SLC13A3: variants seen among roughly 807,000 people sequenced by gnomAD.
SLC13A3 encodes solute carrier family 13 member 3.
A neutral mutation model predicts 59.0 loss-of-function variants in SLC13A3; 40 were observed. The observed-to-expected ratio is 0.68, with a 90% CI of 0.53 to 0.88. The LOEUF is 0.88. SLC13A3 is among the 40% of genes least tolerant of loss of function. The probability of loss-of-function intolerance (pLI) is 0.00; values close to 1 mark genes in which losing one functional copy is unlikely to be tolerated. For synonymous variants in SLC13A3, 317 were observed against 330.3 expected, an observed-to-expected ratio of 0.96 and a Z score of 0.44; for missense variants, 699 against 783.2, an observed-to-expected ratio of 0.89 and a Z score of 1.28.
At chr20:46,674,604 C>CGCGCGCGCGTGTGT (rs370861850), upstream of SLC13A3, among the ~76,000 whole-genome samples, 41 of 127,870 alleles carry the variant, frequency 3.2e-4, no homozygotes, top group African/African-American at 1.2e-3. Context: ...CGCGCGCGCG[C>CGCGCGCGCGTGTGT]GTGTGTGTGT....
chr20:46,562,654 A>G (rs562060449), intron 12 of SLC13A3, among the ~76,000 whole-genome samples: 7 of 152,004 alleles, frequency 4.6e-5, no homozygotes, highest in Non-Finnish European at 5.9e-5. Flanking sequence ...TGTCTCTCCC[A>G]CTCTGCAGTG....
Position 46,563,451 on chromosome 20 carries a change from A to C in SLC13A3, c.1595T>G (p.Ile532Ser). 6.2e-7 allele frequency: 1 copy of C among 1,614,094 alleles called. No homozygotes were observed. Among genetic ancestry groups the C allele is most frequent in the South Asian group, 1.1e-5 (1 of 91,070 alleles). Residue 532 changes from isoleucine to serine, a missense_variant, in exon 12 of 13, where the codon ATC becomes AGC. Transcript: ENST00000279027. ...MLPVSTPPNS[I>S]AFASGHLLVK... is the part of the protein sequence containing the mutation. ...CAGCAAGTGTCCAGAGGCGAAGGCG[A>C]TGGAGTTGGGGGGCGTTGAGACCGG...
chr20:46,620,663 T>C (rs1425116804), intron 1 of SLC13A3, among the ~76,000 whole-genome samples: 1 of 152,172 alleles, frequency 6.6e-6, no homozygotes, highest in Non-Finnish European at 1.5e-5. Flanking sequence ...AGCATCCACA[T>C]GGATCTGCAA....
At chr20:46,564,058 C>T (rs748566292) in intron 11 of SLC13A3, among the ~76,000 whole-genome samples, 9 of 152,210 alleles carry the variant, frequency 5.9e-5, no homozygotes, top group Non-Finnish European at 8.8e-5. Context: ...CGTGTTCCCC[C>T]GGTGCTGCTG....
chr20:46,606,227 C>T (rs1031146068), intron 3 of SLC13A3, among the ~76,000 whole-genome samples: 1 of 152,214 alleles, frequency 6.6e-6, no homozygotes, highest in African/African-American at 2.4e-5. Flanking sequence ...CAAGGTGGAA[C>T]GAGGTAGGAG....
At chr20:46,641,642 G>C (rs2062846729) in intron 1 of SLC13A3, among the ~76,000 whole-genome samples, 1 of 152,166 alleles carries the variant, frequency 6.6e-6, no homozygotes, top group African/African-American at 2.4e-5. Context: ...GCAGGAGCAA[G>C]CTTGGCAGCT....
intron 1 of SLC13A3, 135 bp downstream of exon 1, chr20:46,651,176 G>A: frequency 1.5e-6 from 2 of 1,338,236 alleles, no homozygotes; most frequent in Non-Finnish European, 9.6e-7. Context: ...CGCGGCAGGT[G>A]CAAGGGAGGG....
chr20:46,594,413 C>A (rs1322530191), intron 5 of SLC13A3, among the ~76,000 whole-genome samples: 1 of 152,086 alleles, frequency 6.6e-6, no homozygotes. Flanking sequence ...AACAACTGCT[C>A]CCCTCCAATT....
intron 12 of SLC13A3, among the ~76,000 whole-genome samples, chr20:46,561,273 C>G (rs975892640): frequency 6.6e-6 from 1 of 152,178 alleles, no homozygotes; most frequent in Non-Finnish European, 1.5e-5. Context: ...CTCATGCCTC[C>G]CTAAAATGTA....
At chr20:46,584,491 A>G (rs1271875485) in intron 8 of SLC13A3, 1 of 985,416 alleles carries the variant, frequency 1.0e-6, no homozygotes, top group African/African-American at 1.7e-5. Context: ...ACTGCTAACC[A>G]AAGCTCTTTC....
At chr20:46,674,588 T>TGCGCGCGCGC (rs549666867), upstream of SLC13A3, among the ~76,000 whole-genome samples, 95 of 136,790 alleles carry the variant, frequency 6.9e-4, 2 homozygotes, top group African/African-American at 2.2e-3. Context: ...AGGTGGGGAG[T>TGCGCGCGCGC]GCGCGCGCGC....
At chr20:46,631,772 G>A (rs2062740266) in intron 1 of SLC13A3, among the ~76,000 whole-genome samples, 1 of 152,146 alleles carries the variant, frequency 6.6e-6, no homozygotes, top group South Asian at 2.1e-4. Flanking sequence ...AAAACGCGCA[G>A]GGGTGAGAGA....
rs1022388270 is a variant in SLC13A3 at position 46,628,697 on chromosome 20, T to C, written c.112-14972A>G. On this transcript the variant is annotated intron_variant, in intron 1 of 12. Coordinates refer to ENST00000279027, the MANE Select transcript of SLC13A3 (RefSeq NM_022829.6). ...GTGGAGCCCTGGGTCACATGTGGAA[T>C]TTAAGTTCAAGTTCATTAACATCAA... Among the ~76,000 whole-genome samples, 6 of 152,234 alleles carry C rather than the reference T, an allele frequency of 3.9e-5. 1 individual carries two copies. Among genetic ancestry groups the C allele is most frequent in the Non-Finnish European group, 4.4e-5 (3 of 68,042 alleles).
chr20:46,572,925 G>A (rs1395253280), intron 10 of SLC13A3, among the ~76,000 whole-genome samples: 1 of 152,010 alleles, frequency 6.6e-6, no homozygotes, highest in Non-Finnish European at 1.5e-5. Flanking sequence ...CTTCCTTCAG[G>A]AAGCCTTCCC....
chr20:46,659,810 C>A (rs1025379791), intron 1 of SLC13A3, among the ~76,000 whole-genome samples: 1 of 151,366 alleles, frequency 6.6e-6, no homozygotes, highest in Non-Finnish European at 1.5e-5. Flanking sequence ...TCTTCTCTTC[C>A]TTTGTACTTT....
chr20:46,629,661 CTCTG>C (rs1913170863), intron 1 of SLC13A3, among the ~76,000 whole-genome samples: 1 of 152,094 alleles, frequency 6.6e-6, no homozygotes, highest in Admixed American at 6.6e-5. Context: ...CCCCATTTTG[CTCTG>C]TCTGATACAG....
At chr20:46,607,338 C>G (rs1027436351) in intron 3 of SLC13A3, among the ~76,000 whole-genome samples, 1 of 152,144 alleles carries the variant, frequency 6.6e-6, no homozygotes, top group African/African-American at 2.4e-5. Flanking sequence ...TAGGAACTTC[C>G]TTGTGCCTCT....
chr20:46,653,812 A>G (rs1483426108), upstream of SLC13A3, among the ~76,000 whole-genome samples: 1 of 152,100 alleles, frequency 6.6e-6, no homozygotes, highest in Non-Finnish European at 1.5e-5. Flanking sequence ...CATTGTATGG[A>G]TATACTATAT....
At chr20:46,636,428 G>A (rs1408525157) in intron 1 of SLC13A3, among the ~76,000 whole-genome samples, 2 of 152,186 alleles carry the variant, frequency 1.3e-5, no homozygotes, top group African/African-American at 4.8e-5. Context: ...GTCACTTGTG[G>A]GTAGCACCTG....
Sources: gnomAD v4.1 joint callset for allele counts (sites outside exome capture counted in the v4.1 genomes callset) on GRCh38, gnomAD v4.1.1 for gene constraint, MANE v1.5 for transcripts, NCBI Gene and HGNC (gene_info 2026-07-23, HGNC 2026-07-21) for gene names.